PCLO: variants seen among roughly 807,000 people sequenced by gnomAD.
PCLO encodes the protein piccolo presynaptic cytomatrix protein, also known as protein piccolo.
Under a neutral mutation model 427.5 loss-of-function variants are expected in PCLO, and 82 were observed. The observed-to-expected ratio is 0.19, with a 90% CI of 0.16 to 0.23. The LOEUF is 0.23. Ranked by LOEUF, PCLO falls within the 10% of genes least tolerant of loss-of-function variation. PCLO has a pLI of 1.00. For synonymous variants in PCLO, 2,357 were observed against 2,155.4 expected, an observed-to-expected ratio of 1.09 and a Z score of -2.59; for missense variants, 6,239 against 6,115.9, an observed-to-expected ratio of 1.02 and a Z score of -0.67.
At chr7:83,151,622 T>C (rs892704547) in intron 2 of PCLO, among the ~76,000 whole-genome samples, 4 of 152,238 alleles carry the variant, frequency 2.6e-5, no homozygotes, top group Admixed American at 1.3e-4. Flanking sequence ...TGCTCATTTA[T>C]GTGTGTTCAA....
At chr7:82,840,779 G>A (rs1792346786) in intron 14 of PCLO, among the ~76,000 whole-genome samples, 1 of 151,864 alleles carries the variant, frequency 6.6e-6, no homozygotes, top group Admixed American at 6.6e-5. Context: ...TTTTCAATTA[G>A]TTACTATTTT....
chr7:82,766,674 T>C (rs780298425), intron 22 of PCLO, among the ~76,000 whole-genome samples: 1 of 152,118 alleles, frequency 6.6e-6, no homozygotes, highest in Non-Finnish European at 1.5e-5. Context: ...TTCACTTTTA[T>C]AGGTCATAGT....
At chr7:82,986,397 C>T (rs1000904164) in intron 3 of PCLO, among the ~76,000 whole-genome samples, 2 of 151,784 alleles carry the variant, frequency 1.3e-5, no homozygotes, top group African/African-American at 4.8e-5. Context: ...AGTCCAAATA[C>T]GCTTGCTCTA....
intron 3 of PCLO, among the ~76,000 whole-genome samples, chr7:83,085,383 T>TTTTACA (rs1562956324): frequency 1.3e-5 from 2 of 152,130 alleles, no homozygotes; most frequent in African/African-American, 4.8e-5. Flanking sequence ...ATTTTACAGA[T>TTTTACA]GAGAAAACTG....
At position 82,823,130 on chromosome 7, in the gene PCLO, G is replaced by A. The variant is rs147316481; in HGVS notation, c.14597-441C>T. Among the ~76,000 whole-genome samples, 29 of 152,178 alleles carry A rather than the reference G, an allele frequency of 1.9e-4. No individual in the cohort carries two copies. The East Asian group carries it at 2.5e-3, about 13-fold the overall frequency. ...CCATTGTAGAGAATGTATGGATCAC[G>A]TATTTCCTAAGGCAGTCATAGAAAG... On this transcript the variant is annotated intron_variant, in intron 19 of 24. Coordinates refer to ENST00000333891, the MANE Select transcript of PCLO (RefSeq NM_033026.6).
At chr7:83,093,492 A>ATATATATATATATATTTTTTT in intron 3 of PCLO, among the ~76,000 whole-genome samples, 7 of 59,310 alleles carry the variant, frequency 1.2e-4, no homozygotes, top group Admixed American at 5.8e-4. Flanking sequence ...ATATATATAT[A>ATATATATATATATATTTTTTT]TTTTTTTTTT....
chr7:82,954,816 C>T lies in PCLO; in HGVS notation c.6137G>A (p.Gly2046Asp), dbSNP rs1198779043. Reference sequence around the variant, plus strand: ...TTCTTCTGTAGAAGTTACCATAGTACCCAGGTCCACTATCTCATGGCTTTC... The same window carrying T: ...TTCTTCTGTAGAAGTTACCATAGTATCCAGGTCCACTATCTCATGGCTTTC... ...IPESHEIVDL[G>D]TMVTSTEEER... The change falls in exon 5 of 25, where the codon GGT (glycine) becomes GAT (aspartate). Residue 2046 changes from glycine to aspartate, a missense_variant. Gly to Asp is a moderately conservative substitution (Grantham distance 94). This residue lies in a region of PCLO where 4,677 missense variants were observed against 4,468.4 expected (regional missense o/e 1.05). Coordinates refer to ENST00000333891, the MANE Select transcript of PCLO (RefSeq NM_033026.6). 1.2e-6 allele frequency: 2 copies of T among 1,613,766 alleles called. No individual in the cohort carries two copies. Among genetic ancestry groups the T allele is most frequent in the South Asian group, 1.1e-5 (1 of 91,074 alleles).
intron 6 of PCLO, among the ~76,000 whole-genome samples, chr7:82,919,258 T>G (rs2116287130): frequency 6.6e-6 from 1 of 151,948 alleles, no homozygotes; most frequent in Non-Finnish European, 1.5e-5. Context: ...AGAAAAAATA[T>G]AGATCATGTC....
At chr7:83,118,951 C>T (rs1363397792) in intron 3 of PCLO, among the ~76,000 whole-genome samples, 19 of 152,058 alleles carry the variant, frequency 1.2e-4, no homozygotes, top group Admixed American at 1.2e-3. Context: ...GACTCTTTCC[C>T]CTTGCAGAAA....
intron 2 of PCLO, among the ~76,000 whole-genome samples, chr7:83,140,432 T>C (rs1366546863): frequency 6.6e-6 from 1 of 152,222 alleles, no homozygotes; most frequent in Non-Finnish European, 1.5e-5. Context: ...CTAGTATTTA[T>C]GTAATTCTGC....
At chr7:82,987,370 A>G (rs888244079) in intron 3 of PCLO, among the ~76,000 whole-genome samples, 3 of 152,034 alleles carry the variant, frequency 2.0e-5, no homozygotes, top group Non-Finnish European at 2.9e-5. Flanking sequence ...ATGTTTACCA[A>G]AACAATTGTC....
rs779645837 is a variant in PCLO, at chr7:82,952,849, G to A, written c.8104C>T (p.Pro2702Ser). 6.2e-7 allele frequency: 1 copy of A among 1,613,788 alleles called. No individual in the cohort carries two copies. Among genetic ancestry groups the A allele is most frequent in the Non-Finnish European group, 8.5e-7 (1 of 1,179,776 alleles). Residue 2702 changes from proline to serine, a missense_variant, in exon 5 of 25, where the codon CCT becomes TCT. Transcript: ENST00000333891. ...AAATGTATGTTATCTAGAGCAAGAG[G>A]CTCTGGAGGAATTGTTATGGAAATG... ...SSISITIPPE[P>S]LALDNIHLEK...
intron 3 of PCLO, among the ~76,000 whole-genome samples, chr7:82,973,579 A>G (rs2115720121): frequency 6.7e-6 from 1 of 150,336 alleles, no homozygotes; most frequent in South Asian, 2.1e-4. Flanking sequence ...TCCTAGGTAA[A>G]AGGTGATTAG....
intron 20 of PCLO, chr7:82,820,539 C>G: frequency 2.4e-6 from 3 of 1,224,498 alleles, no homozygotes; most frequent in Non-Finnish European, 3.0e-6. Flanking sequence ...ACATGCCCAA[C>G]ACATCTGATA....
At chr7:82,878,895 A>G (rs10243348) in intron 10 of PCLO, among the ~76,000 whole-genome samples, 68,394 of 151,964 alleles carry the variant, frequency 0.45, 16,791 homozygotes, top group African/African-American at 0.66. Context: ...ATAAAACAGT[A>G]TTTACAGAAG....
chr7:82,950,367 T>C lies in PCLO; in HGVS notation c.10221A>G (p.Glu3407=), dbSNP rs1230069706. The change falls in exon 6 of 25, where the codon GAA becomes GAG. Residue 3407 remains glutamate (E), a synonymous_variant. Transcript: ENST00000333891. Reference sequence around the variant, plus strand: ...CAGAACTTCTCTTTTTGGGTTGTTTTTCCTCTTTCACAACAACATCTGTTA... The same window carrying C: ...CAGAACTTCTCTTTTTGGGTTGTTTCTCCTCTTTCACAACAACATCTGTTA... The part of the protein sequence containing the change: ...IPLTDVVVKE[E]KQPKKRSSGA... The C allele has an allele frequency of 6.2e-7, 1 of 1,613,786 alleles. No individual in the cohort carries two copies. The highest frequency in any genetic ancestry group is 8.5e-7 in the Non-Finnish European group (1 of 1,179,852).
intron 22 of PCLO, among the ~76,000 whole-genome samples, chr7:82,796,524 A>C (rs1791226930): frequency 6.6e-6 from 1 of 152,072 alleles, no homozygotes; most frequent in Non-Finnish European, 1.5e-5. Flanking sequence ...CTTTCAAAGC[A>C]GTCACTACTT....
At chr7:83,065,056 CAAA>C (rs61255338) in intron 3 of PCLO, among the ~76,000 whole-genome samples, 19 of 140,116 alleles carry the variant, frequency 1.4e-4, no homozygotes, top group East Asian at 2.1e-4. Context: ...GCTTGGGTTC[CAAA>C]AAAAAAAAAA....
intron 3 of PCLO, among the ~76,000 whole-genome samples, chr7:83,099,849 GT>G (rs1445641339): frequency 6.6e-6 from 1 of 151,908 alleles, no homozygotes; most frequent in Non-Finnish European, 1.5e-5. Context: ...TGCTGCTGTT[GT>G]CGTTAAATCC....
Sources: gnomAD v4.1 joint callset for allele counts (sites outside exome capture counted in the v4.1 genomes callset) on GRCh38, gnomAD v4.1.1 for gene constraint, gnomAD v4.1.1 regional missense constraint, MANE v1.5 for transcripts, NCBI Gene and HGNC (gene_info 2026-07-23, HGNC 2026-07-21) for gene names.